Variants in ZFYVE9 observed in about 807,000 individuals in gnomAD.
ZFYVE9 encodes zinc finger FYVE-type containing 9.
Under a neutral mutation model 126.7 loss-of-function variants are expected in ZFYVE9, and 43 were observed. That is an observed-to-expected ratio of 0.34 (90% CI 0.27 to 0.44). The LOEUF is 0.44. Among genes scored for constraint, ZFYVE9 ranks in the 20% least tolerant of loss-of-function variants. ZFYVE9 has a pLI of 1.00. For synonymous variants in ZFYVE9, 521 were observed against 597.4 expected (o/e 0.87, Z 1.87); for missense variants, 1,476 against 1,697.0 (o/e 0.87, Z 2.29).
At chr1:52,226,101 A>AGG (rs1645168462) in intron 2 of ZFYVE9, among the ~76,000 whole-genome samples, 1 of 152,198 alleles carries the variant, frequency 6.6e-6, no homozygotes, top group African/African-American at 2.4e-5. Flanking sequence ...CATAGCATGC[A>AGG]GGGAAGGCTG....
intron 2 of ZFYVE9, among the ~76,000 whole-genome samples, chr1:52,223,111 A>T (rs1474790609): frequency 4.6e-5 from 7 of 152,286 alleles, no homozygotes; most frequent in Admixed American, 4.6e-4. Context: ...CATTAAATTT[A>T]TCAGGGGCTC....
At chr1:52,160,260 A>G (rs1224998526) in intron 1 of ZFYVE9, 9 of 889,902 alleles carry the variant, frequency 1.0e-5, no homozygotes, top group Non-Finnish European at 1.3e-5. Context: ...TCTCTTTTCA[A>G]TTAAATCTTT....
chr1:52,256,213 G>T (rs1230323234), intron 4 of ZFYVE9, among the ~76,000 whole-genome samples: 1 of 151,600 alleles, frequency 6.6e-6, no homozygotes, highest in Non-Finnish European at 1.5e-5. Context: ...TAACAGGCGT[G>T]TGCCACCACC....
chr1:52,217,838 A>G (rs1645086369), intron 2 of ZFYVE9, among the ~76,000 whole-genome samples: 1 of 152,234 alleles, frequency 6.6e-6, no homozygotes, highest in Non-Finnish European at 1.5e-5. Flanking sequence ...TGATCATGAC[A>G]TAGACTCTGC....
chr1:52,275,933 G>A lies in ZFYVE9; in HGVS notation c.2746+1349G>A, dbSNP rs1645744239. On this transcript the variant is annotated intron_variant, in intron 8 of 18. Coordinates refer to ENST00000287727, the MANE Select transcript of ZFYVE9 (RefSeq NM_004799.4). The stretch of plus-strand genomic sequence containing the variant: ...TTTTTTTTTTTTTTTTTTTGAGATG[G>A]AGTCTCACTCTGTCGCCAGGCTGGA... 2.2e-5 allele frequency among the ~76,000 whole-genome samples: 3 copies of A among 136,560 alleles called. No individual in the cohort carries two copies. In the South Asian group the frequency reaches 7.0e-4, roughly 32 times the overall value. 89.6% of individuals were successfully genotyped at this position (136,560 alleles called of 152,430 possible).
intron 1 of ZFYVE9, among the ~76,000 whole-genome samples, chr1:52,199,315 G>A (rs933561418): frequency 1.3e-5 from 2 of 151,888 alleles, no homozygotes; most frequent in Non-Finnish European, 1.5e-5. Context: ...CACCCGCCTC[G>A]GCTTCCCGAA....
chr1:52,311,194 A>G (rs1352417119), intron 13 of ZFYVE9, among the ~76,000 whole-genome samples: 1 of 152,120 alleles, frequency 6.6e-6, no homozygotes, highest in Non-Finnish European at 1.5e-5. Context: ...TGTTTGTTTA[A>G]GATCAGAAAA....
chr1:52,297,794 C>T (rs968686891), intron 12 of ZFYVE9, among the ~76,000 whole-genome samples: 2 of 151,896 alleles, frequency 1.3e-5, no homozygotes, highest in Non-Finnish European at 2.9e-5. Flanking sequence ...ACGATCTCGG[C>T]TCACTGCAAC....
At chr1:52,301,291 CTTTTTTTTTT>C (rs527599525) in intron 12 of ZFYVE9, among the ~76,000 whole-genome samples, 1,047 of 72,692 alleles carry the variant, frequency 0.014, 11 homozygotes, top group African/African-American at 0.06. Flanking sequence ...CTTTTTCCAT[CTTTTTTTTTT>C]TTTTTTTTTT....
intron 11 of ZFYVE9, among the ~76,000 whole-genome samples, chr1:52,294,503 A>T (rs976978807): frequency 2.0e-5 from 3 of 152,218 alleles, no homozygotes; most frequent in African/African-American, 7.2e-5. Flanking sequence ...GGCCTCCCAT[A>T]TATCCTGAAT....
At position 52,268,505 on chromosome 1, in the gene ZFYVE9, G is replaced by A. The variant is rs1645655109; in HGVS notation, c.2498G>A (p.Gly833Glu). The A allele has an allele frequency of 1.2e-6, 2 of 1,614,108 alleles. No homozygotes were observed. The highest frequency in any genetic ancestry group is 1.7e-6 in the Non-Finnish European group (2 of 1,179,998). ...REQRRVWFAD[G>E]ILPNGEVADA... ...CAGAGGCGAGTTTGGTTTGCTGATG[G>A]GATCTTGCCCAATGGAGAAGTTGCT... The change falls in exon 7 of 19, where the codon GGG (glycine) becomes GAG (glutamate). Residue 833 changes from glycine to glutamate, a missense_variant. Transcript: ENST00000287727.
chr1:52,166,423 C>CTT (rs1006492364), intron 1 of ZFYVE9, among the ~76,000 whole-genome samples: 4 of 152,182 alleles, frequency 2.6e-5, no homozygotes, highest in African/African-American at 9.7e-5. Context: ...TGCACTTTAC[C>CTT]TCATAAGATT....
chr1:52,321,271 G>A (rs1436677531), intron 13 of ZFYVE9, among the ~76,000 whole-genome samples: 1 of 152,178 alleles, frequency 6.6e-6, no homozygotes, highest in Non-Finnish European at 1.5e-5. Context: ...GCACTGGCGA[G>A]AACAGATGGC....
At chr1:52,208,980 A>G (rs1314418864) in intron 1 of ZFYVE9, among the ~76,000 whole-genome samples, 1 of 152,210 alleles carries the variant, frequency 6.6e-6, no homozygotes, top group Non-Finnish European at 1.5e-5. Flanking sequence ...TCCTTTAGTT[A>G]TTTTAATTTG....
At chr1:52,196,954 A>C (rs1557450830) in intron 1 of ZFYVE9, among the ~76,000 whole-genome samples, 1 of 152,174 alleles carries the variant, frequency 6.6e-6, no homozygotes, top group Non-Finnish European at 1.5e-5. Context: ...TCTTGATATT[A>C]TATTTAATTT....
At chr1:52,262,330 A>G (rs960643076) in intron 4 of ZFYVE9, among the ~76,000 whole-genome samples, 3 of 152,198 alleles carry the variant, frequency 2.0e-5, no homozygotes, top group Admixed American at 2.0e-4. Context: ...CCTAACTGCT[A>G]ATTGTAAATG....
intron 1 of ZFYVE9, chr1:52,163,039 C>G (rs1313441907): frequency 4.5e-6 from 1 of 222,648 alleles, no homozygotes; most frequent in East Asian, 1.0e-4. Context: ...CTACTTCACT[C>G]TTGCTTTCTA....
chr1:52,168,276 G>C (rs1644532097), intron 1 of ZFYVE9, among the ~76,000 whole-genome samples: 1 of 144,022 alleles, frequency 6.9e-6, no homozygotes, highest in South Asian at 2.2e-4. Flanking sequence ...GAGTGCAATG[G>C]TGCGATCTCA....
intron 4 of ZFYVE9, among the ~76,000 whole-genome samples, chr1:52,263,540 A>C (rs143519012): frequency 6.6e-6 from 1 of 152,204 alleles, no homozygotes; most frequent in East Asian, 1.9e-4. Flanking sequence ...ACGTGATCTT[A>C]GTTAAGATTT....
Sources: gnomAD v4.1 joint callset for allele counts (sites outside exome capture counted in the v4.1 genomes callset) on GRCh38, gnomAD v4.1.1 for gene constraint, MANE v1.5 for transcripts, NCBI Gene and HGNC (gene_info 2026-07-23, HGNC 2026-07-21) for gene names.